The following CLINT1 variants were observed in gnomAD, a reference collection of about 807,000 sequenced individuals.
CLINT1 encodes clathrin interacting protein localized in the trans-Golgi region.
A neutral mutation model predicts 70.4 loss-of-function variants in CLINT1; 15 were observed. The ratio of observed to expected loss-of-function variants is 0.21; its 90% CI spans 0.14 to 0.33. The LOEUF (loss-of-function observed/expected upper bound fraction) is 0.33. CLINT1 is among the 10% of genes least tolerant of loss of function. The pLI is 1.00. For synonymous variants in CLINT1, 227 were observed against 254.7 expected, an observed-to-expected ratio of 0.89 and a Z score of 1.04; for missense variants, 615 against 778.1, an observed-to-expected ratio of 0.79 and a Z score of 2.49.
In CLINT1 at chr5:157,817,493, C is replaced by A; in HGVS notation, c.96G>T (p.Thr32=). The A allele has an allele frequency of 1.2e-6, 2 of 1,606,210 alleles. No individual in the cohort carries two copies. The highest frequency in any genetic ancestry group is 2.2e-5 in the East Asian group (1 of 44,738). The stretch of plus-strand genomic sequence containing the variant: ...CAGAAGGTCCCCAAGGATCATCGTT[C>A]GTTGCCTCTCGAACCTTAGACTCGA... ...SEIESKVREA[T]NDDPWGPSGQ... Residue 32 remains threonine (T), a synonymous_variant, in exon 2 of 12, where the codon ACG becomes ACT. Transcript: ENST00000411809.
chr5:157,791,564 T>C (rs539365949), intron 10 of CLINT1, 139 bp downstream of exon 10: 4 of 776,072 alleles, frequency 5.2e-6, no homozygotes, highest in African/African-American at 1.7e-5. Flanking sequence ...CAAATGCGTA[T>C]ATATACACAC....
At position 157,809,755 on chromosome 5, in the gene CLINT1, T is replaced by C; in HGVS notation, c.568A>G (p.Lys190Glu). The change falls in exon 6 of 12, where the codon AAA becomes GAA. Residue 190 changes from lysine to glutamate, a missense_variant. Coordinates refer to ENST00000411809, the MANE Select transcript of CLINT1 (RefSeq NM_014666.4). ...PKSKWDEEWD[K>E]NKSAFPFSDK... ...CTGAATGGAAAAGCACTCTTGTTTTTATCCCACTCCTCATCCCATTTTGAT... is the reference window on the plus strand; with the variant it reads ...CTGAATGGAAAAGCACTCTTGTTTTCATCCCACTCCTCATCCCATTTTGAT... 6.2e-7 allele frequency: 1 copy of C among 1,613,512 alleles called. No individual in the cohort carries two copies. Among genetic ancestry groups the C allele is most frequent in the South Asian group, 1.1e-5 (1 of 91,040 alleles).
At chr5:157,847,258 C>G (rs1244290143) in intron 1 of CLINT1, among the ~76,000 whole-genome samples, 1 of 152,210 alleles carries the variant, frequency 6.6e-6, no homozygotes, top group Non-Finnish European at 1.5e-5. Context: ...AATCCTAGCA[C>G]TTTGGGAGGC....
At chr5:157,818,761 T>C (rs1762795372) in intron 1 of CLINT1, among the ~76,000 whole-genome samples, 1 of 152,116 alleles carries the variant, frequency 6.6e-6, no homozygotes, top group Non-Finnish European at 1.5e-5. Context: ...GATTAAGACA[T>C]GAGATGGCAA....
chr5:157,814,173 T>C lies in CLINT1; in HGVS notation c.352+12A>G. ...TGTTTTAATTTGCTTATAAGGTTTT[T>C]CTATTGCTTACCTACAAAGTGGTAA... On this transcript the variant is annotated intron_variant, in intron 4 of 11. Transcript: ENST00000411809. The C allele has an allele frequency of 6.4e-7, 1 of 1,560,112 alleles. No individual in the cohort carries two copies. Among genetic ancestry groups the C allele is most frequent in the South Asian group, 1.1e-5 (1 of 87,282 alleles).
In CLINT1 at chr5:157,854,989, C is replaced by T. The variant is rs34753331; in HGVS notation, c.41+3941G>A. On this transcript the variant is annotated intron_variant, in intron 1 of 11. Coordinates refer to ENST00000411809, the MANE Select transcript of CLINT1 (RefSeq NM_014666.4). Reference sequence around the variant, plus strand: ...CAAAACCTCAGCTGTATGAAAAATACAAAAATTAGCCAGGCATGGAGGTAG... The same window carrying T: ...CAAAACCTCAGCTGTATGAAAAATATAAAAATTAGCCAGGCATGGAGGTAG... Among the ~76,000 whole-genome samples, 434 of 151,992 alleles carry T rather than the reference C, an allele frequency of 2.9e-3. 3 individuals carry two copies. Among genetic ancestry groups the T allele is most frequent in the Non-Finnish European group, 4.5e-3 (306 of 67,960 alleles).
intron 1 of CLINT1, among the ~76,000 whole-genome samples, chr5:157,818,903 C>T (rs1470340582): frequency 6.6e-6 from 1 of 152,102 alleles, no homozygotes; most frequent in Non-Finnish European, 1.5e-5. Flanking sequence ...CCAATTATTA[C>T]CAAATAATTG....
chr5:157,787,466 T>G lies in CLINT1; in HGVS notation c.*180A>C, dbSNP rs1184128158. 3.2e-6 allele frequency: 2 copies of G among 625,852 alleles called. No individual in the cohort carries two copies. The highest frequency in any genetic ancestry group is 3.7e-5 in the African/African-American group (2 of 54,296). 38.8% of individuals were successfully genotyped at this position (625,852 alleles called of 1,614,324 possible). A position where few individuals can be genotyped will look rare whatever the true frequency, so the allele number is the denominator to read the frequency against. ...TTGACTGCCTCATCTGAAGTGCTCT[T>G]GCCTGGCCCTCTGAAATACTGGATA... On this transcript the variant is annotated 3_prime_UTR_variant, in exon 12 of 12. Coordinates refer to ENST00000411809, the MANE Select transcript of CLINT1 (RefSeq NM_014666.4).
intron 5 of CLINT1, among the ~76,000 whole-genome samples, chr5:157,812,818 A>T (rs1435464535): frequency 1.3e-5 from 2 of 152,226 alleles, no homozygotes; most frequent in Non-Finnish European, 2.9e-5. Context: ...TCTGTATGAC[A>T]CCTCAAAATA....
chr5:157,836,080 A>G (rs1581529442), intron 1 of CLINT1, among the ~76,000 whole-genome samples: 1 of 152,000 alleles, frequency 6.6e-6, no homozygotes, highest in East Asian at 1.9e-4. Context: ...CTTTTTTTGC[A>G]CAATCTATTA....
chr5:157,796,729 CCTT>C (rs1396074494), intron 8 of CLINT1, among the ~76,000 whole-genome samples: 2 of 152,168 alleles, frequency 1.3e-5, no homozygotes, highest in Non-Finnish European at 2.9e-5. Flanking sequence ...AACCATCTCC[CCTT>C]CTTAATATAT....
rs912527000 is a variant in CLINT1, at chr5:157,807,841, A to G, written c.696-1729T>C. ...AAGTAACAATACAGAACACACACAGATATCTAACCAGCCTACATAGCGTTA... is the reference window on the plus strand; with the variant it reads ...AAGTAACAATACAGAACACACACAGGTATCTAACCAGCCTACATAGCGTTA... On this transcript the variant is annotated intron_variant, in intron 6 of 11. Transcript: ENST00000411809. Among the ~76,000 whole-genome samples, 31 of 152,122 alleles carry G rather than the reference A, an allele frequency of 2.0e-4. 1 individual carries two copies. The highest frequency in any genetic ancestry group is 1.4e-3 in the Admixed American group (21 of 15,274).
At chr5:157,848,513 T>A (rs1431439574) in intron 1 of CLINT1, among the ~76,000 whole-genome samples, 1 of 152,080 alleles carries the variant, frequency 6.6e-6, no homozygotes, top group Non-Finnish European at 1.5e-5. Context: ...ATCCAATTTT[T>A]TTTTTTTTGA....
At chr5:157,836,383 C>T (rs539376624) in intron 1 of CLINT1, among the ~76,000 whole-genome samples, 24 of 152,288 alleles carry the variant, frequency 1.6e-4, no homozygotes, top group African/African-American at 5.8e-4. Flanking sequence ...AGTCTGATTC[C>T]ATAGATGAAG....
Position 157,806,100 on chromosome 5 carries a change from C to T in CLINT1, c.708G>A (p.Glu236=). The T allele has an allele frequency of 1.2e-6, 2 of 1,613,812 alleles. No homozygotes were observed. Among genetic ancestry groups the T allele is most frequent in the Non-Finnish European group, 1.7e-6 (2 of 1,179,810 alleles). ...ATCTGCCTCTTCTCGCTTTCTTTTC[C>T]TCATCGCTGTCGCTAAAAGATATTA... ...DSPERCSDSD[E]EKKARRGRSP... Residue 236 remains glutamate, a synonymous_variant, in exon 7 of 12, where the codon GAG becomes GAA. Transcript: ENST00000411809.
intron 1 of CLINT1, among the ~76,000 whole-genome samples, chr5:157,854,615 A>G (rs1753685591): frequency 6.6e-6 from 1 of 152,240 alleles, no homozygotes; most frequent in Admixed American, 6.5e-5. Flanking sequence ...TGAATATACT[A>G]TTCTTTATAA....
intron 4 of CLINT1, among the ~76,000 whole-genome samples, chr5:157,813,731 G>A (rs971785452): frequency 3.3e-5 from 5 of 152,154 alleles, no homozygotes; most frequent in South Asian, 2.1e-4. Context: ...AGTGGGGTAC[G>A]CTACAAAATG....
chr5:157,834,586 G>C (rs1447108003), intron 1 of CLINT1, among the ~76,000 whole-genome samples: 1 of 152,084 alleles, frequency 6.6e-6, no homozygotes, highest in African/African-American at 2.4e-5. Context: ...TCCTTTATGG[G>C]ATGATTACAC....
At chr5:157,832,675 C>T (rs761796543) in intron 1 of CLINT1, among the ~76,000 whole-genome samples, 2 of 152,182 alleles carry the variant, frequency 1.3e-5, no homozygotes, top group Admixed American at 6.5e-5. Flanking sequence ...TTCATCACTA[C>T]TTTCCCTCAA....
Sources: gnomAD v4.1 joint callset for allele counts (sites outside exome capture counted in the v4.1 genomes callset) on GRCh38, gnomAD v4.1.1 for gene constraint, MANE v1.5 for transcripts, NCBI Gene and HGNC (gene_info 2026-07-23, HGNC 2026-07-21) for gene names.